The following FBXO40 variants were observed in gnomAD, a reference collection of about 807,000 sequenced individuals.
FBXO40 encodes F-box only protein 40.
In FBXO40, 50 loss-of-function variants were observed where a neutral mutation model predicts 49.9. The ratio of observed to expected loss-of-function variants is 1.00; its 90% CI spans 0.80 to 1.27. The LOEUF is 1.27. FBXO40 is among the 50% of genes most tolerant of loss of function. The probability of loss-of-function intolerance (pLI) is 0.00; values close to 1 mark genes in which losing one functional copy is unlikely to be tolerated. For synonymous variants in FBXO40, 340 were observed against 320.2 expected, an observed-to-expected ratio of 1.06 and a Z score of -0.66; for missense variants, 895 against 870.1, an observed-to-expected ratio of 1.03 and a Z score of -0.36.
At chr3:121,624,875 C>T (rs930499078) in intron 3 of FBXO40, among the ~76,000 whole-genome samples, 1 of 152,044 alleles carries the variant, frequency 6.6e-6, no homozygotes, top group Admixed American at 6.6e-5. Context: ...GTAAATCATT[C>T]CTTTAAAAAA....
In FBXO40 at chr3:121,622,367, A is replaced by ACAATGGGC. The variant is rs749693772; in HGVS notation, c.939_946dup (p.Arg316ProfsTer6). ...AAGGACTATAACATGTATCTAGTGC[A>ACAATGGGC]CAATGGGCGGATGCTGATACACTTT... On this transcript the variant is annotated frameshift_variant, in exon 3 of 4. Transcript: ENST00000338040. LOFTEE classifies it high-confidence loss of function. The ACAATGGGC allele has an allele frequency of 8.5e-5, 137 of 1,614,256 alleles. No individual in the cohort carries two copies. The highest frequency in any genetic ancestry group is 1.1e-4 in the Non-Finnish European group (129 of 1,180,050).
At position 121,622,107 on chromosome 3, in the gene FBXO40, C is replaced by CGCA. The variant is rs1560132535; in HGVS notation, c.681_683dup (p.Ala228dup). ...GGGAAAATATTTTCAGCAAAGAGCACGCAGCCTCTGCTTTAACAAATTCAT... is the reference window on the plus strand; with the variant it reads ...GGGAAAATATTTTCAGCAAAGAGCACGCAGCAGCCTCTGCTTTAACAAATTCAT... On this transcript the variant is annotated inframe_insertion, in exon 3 of 4. Transcript: ENST00000338040. The CGCA allele has an allele frequency of 6.2e-7, 1 of 1,614,188 alleles. No homozygotes were observed. Among genetic ancestry groups the CGCA allele is most frequent in the Middle Eastern group, 1.6e-4 (1 of 6,062 alleles).
chr3:121,619,159 C>T lies in FBXO40; in HGVS notation c.-30-1387C>T, dbSNP rs1306529645. On this transcript the variant is annotated intron_variant, in intron 1 of 3. Coordinates refer to ENST00000338040, the MANE Select transcript of FBXO40 (RefSeq NM_016298.4). ...GGACCATAGGCGTGCACCACCATGC[C>T]CCGCTAATTTTTTAACTGTTTTTTT... Among the ~76,000 whole-genome samples, 5 of 148,960 alleles carry T rather than the reference C, an allele frequency of 3.4e-5. No individual in the cohort carries two copies. The South Asian group carries it at 1.1e-3, about 32-fold the overall frequency.
At chr3:121,610,322 A>G (rs1219671900) in intron 1 of FBXO40, among the ~76,000 whole-genome samples, 3 of 152,180 alleles carry the variant, frequency 2.0e-5, no homozygotes, top group African/African-American at 7.2e-5. Context: ...AAATTGCAAA[A>G]GTCATGTCTA....
At chr3:121,619,249 TC>T (rs2049016464) in intron 1 of FBXO40, among the ~76,000 whole-genome samples, 1 of 152,004 alleles carries the variant, frequency 6.6e-6, no homozygotes, top group South Asian at 2.1e-4. Context: ...GCTCAAGCAA[TC>T]AACCTACCTC....
intron 1 of FBXO40, among the ~76,000 whole-genome samples, chr3:121,612,433 G>A (rs141632999): frequency 2.6e-5 from 4 of 152,236 alleles, no homozygotes; most frequent in African/African-American, 9.6e-5. Context: ...GACACTTCTG[G>A]GGAACTAGGA....
intron 1 of FBXO40, among the ~76,000 whole-genome samples, chr3:121,602,023 A>G (rs1302471484): frequency 6.6e-6 from 1 of 152,182 alleles, no homozygotes; most frequent in African/African-American, 2.4e-5. Context: ...CTCTGGCAAG[A>G]GCTCTTTGGG....
intron 1 of FBXO40, among the ~76,000 whole-genome samples, chr3:121,618,385 T>TG (rs1183580924): frequency 9.6e-6 from 1 of 103,968 alleles, no homozygotes; most frequent in Non-Finnish European, 1.9e-5. Context: ...CTTTCCTTCT[T>TG]GTTTTTTTTT....
chr3:121,611,406 A>G (rs2108847567), intron 1 of FBXO40, among the ~76,000 whole-genome samples: 1 of 152,342 alleles, frequency 6.6e-6, no homozygotes, highest in Non-Finnish European at 1.5e-5. Flanking sequence ...AGTTCAAGGG[A>G]TGGTACTATA....
At chr3:121,612,632 G>A (rs768867674) in intron 1 of FBXO40, among the ~76,000 whole-genome samples, 1 of 151,994 alleles carries the variant, frequency 6.6e-6, no homozygotes, top group Non-Finnish European at 1.5e-5. Context: ...CATTAGGAAG[G>A]CCTGCACATA....
chr3:121,623,575 C>T (rs561438623), intron 3 of FBXO40, among the ~76,000 whole-genome samples: 1 of 152,118 alleles, frequency 6.6e-6, no homozygotes, highest in African/African-American at 2.4e-5. Flanking sequence ...CTGTGTTGTG[C>T]AGGCTGGTTT....
chr3:121,595,930 A>G (rs1056633342), intron 1 of FBXO40, among the ~76,000 whole-genome samples: 5 of 152,230 alleles, frequency 3.3e-5, no homozygotes, highest in African/African-American at 9.6e-5. Context: ...CGCCAGCCAC[A>G]TGAGGAGGCA....
intron 3 of FBXO40, 47 bp from the exon 4 acceptor site, chr3:121,626,648 G>A (rs369081753): frequency 2.1e-5 from 33 of 1,564,792 alleles, no homozygotes; most frequent in Middle Eastern, 1.7e-4. Context: ...GCCAGCCAGA[G>A]GGTAACACCC....
rs769258147 is a variant in FBXO40 at position 121,626,874 on chromosome 3, C to T, written c.2094C>T (p.Thr698=). ...AGGCCCGAGAGAGCTTAGTCTCCAC[C>T]TTTAGAATCAGACCACGAGGAAGAT... ...REQARESLVS[T]FRIRPRGRYV... is the part of the protein sequence containing the mutation. The change falls in exon 4 of 4, where the codon ACC becomes ACT. Residue 698 remains threonine, a synonymous_variant. Coordinates refer to ENST00000338040, the MANE Select transcript of FBXO40 (RefSeq NM_016298.4). 18 of 1,614,148 alleles carry T rather than the reference C, an allele frequency of 1.1e-5. No homozygotes were observed. In the South Asian group the frequency reaches 1.8e-4, roughly 16 times the overall value.
chr3:121,607,373 G>A (rs1342488139), intron 1 of FBXO40, among the ~76,000 whole-genome samples: 15 of 120,190 alleles, frequency 1.2e-4, no homozygotes, highest in African/African-American at 1.6e-4. Flanking sequence ...GCAGTGGCAC[G>A]ATCTCGGCTC....
At chr3:121,595,903 T>G (rs976944532) in intron 1 of FBXO40, among the ~76,000 whole-genome samples, 12 of 152,174 alleles carry the variant, frequency 7.9e-5, no homozygotes, top group Non-Finnish European at 1.3e-4. Context: ...AGCTCAGAAA[T>G]AAATCATTAT....
rs2049038492 is a variant in FBXO40, at chr3:121,622,464, G to C, written c.1035G>C (p.Lys345Asn). 6 of 1,614,092 alleles carry C rather than the reference G, an allele frequency of 3.7e-6. No individual in the cohort carries two copies. The South Asian group carries it at 6.6e-5, about 18-fold the overall frequency. Residue 345 changes from lysine (K) to asparagine (N), a missense_variant, in exon 3 of 4, where the codon AAG becomes AAC. Transcript: ENST00000338040. ...GCAAGCTGGAGGCTCAGGAAGTTAAGACTGTTTACACCTTCAAAGTTCCTG... is the reference window on the plus strand; with the variant it reads ...GCAAGCTGGAGGCTCAGGAAGTTAACACTGTTTACACCTTCAAAGTTCCTG... The part of the protein sequence containing the change: ...VYGKLEAQEV[K>N]TVYTFKVPVS...
chr3:121,608,306 G>A (rs2048942687), intron 1 of FBXO40, among the ~76,000 whole-genome samples: 1 of 152,168 alleles, frequency 6.6e-6, no homozygotes, highest in Non-Finnish European at 1.5e-5. Flanking sequence ...CCAAATGTCG[G>A]CATGACCATG....
chr3:121,621,628 A>G lies in FBXO40; in HGVS notation c.199A>G (p.Asn67Asp). The G allele has an allele frequency of 6.2e-7, 1 of 1,614,242 alleles. No homozygotes were observed. The highest frequency in any genetic ancestry group is 8.5e-7 in the Non-Finnish European group (1 of 1,180,042). Residue 67 changes from asparagine to aspartate, a missense_variant, in exon 3 of 4, where the codon AAC (asparagine) becomes GAC (aspartate). Coordinates refer to ENST00000338040, the MANE Select transcript of FBXO40 (RefSeq NM_016298.4). The part of the protein sequence containing the change: ...LCPLEQVPCL[N>D]SEYGCPLSMS... ...CCCTTTAGAGCAGGTTCCGTGCCTC[A>G]ACTCCGAATATGGCTGCCCTCTGTC... is the stretch of plus-strand genomic sequence containing the variant.
Sources: allele counts gnomAD v4.1 joint callset (sites outside exome capture counted in the v4.1 genomes callset), GRCh38; gene constraint gnomAD v4.1.1; transcripts MANE v1.5; gene names NCBI Gene and HGNC (gene_info 2026-07-23, HGNC 2026-07-21).